CERT1: variants seen among roughly 807,000 people sequenced by gnomAD.
CERT1 encodes the protein ceramide transporter 1, also known as ceramide transfer protein.
In CERT1, 31 loss-of-function variants were observed where a neutral mutation model predicts 87.9. That is an observed-to-expected ratio of 0.35 (90% confidence interval 0.27 to 0.48). The LOEUF (loss-of-function observed/expected upper bound fraction) is 0.48. CERT1 is among the 20% of genes least tolerant of loss of function. CERT1 has a pLI of 0.99. For missense variants in CERT1, 487 were observed against 758.0 expected, an observed-to-expected ratio of 0.64 and a Z score of 4.20; for synonymous variants, 289 against 250.9, an observed-to-expected ratio of 1.15 and a Z score of -1.44.
At chr5:75,400,358 T>C in intron 9 of CERT1, 61 bp from the exon 10 acceptor site, 2 of 1,173,210 alleles carry the variant, frequency 1.7e-6, no homozygotes, top group Non-Finnish European at 2.5e-6. Context: ...AACTCAAGAA[T>C]GGATAATATA....
chr5:75,423,076 T>TCA (rs1763454507), intron 5 of CERT1, among the ~76,000 whole-genome samples: 2 of 152,168 alleles, frequency 1.3e-5, no homozygotes, highest in African/African-American at 4.8e-5. Context: ...AACTAATACA[T>TCA]CAGTCTTCAA....
At position 75,379,830 on chromosome 5, in the gene CERT1, G is replaced by A. The variant is rs141820448; in HGVS notation, c.1748-357C>T. Among the ~76,000 whole-genome samples, 388 of 152,138 alleles carry A rather than the reference G, an allele frequency of 2.6e-3. 2 individuals are homozygous for A. In the East Asian group the frequency reaches 0.027, roughly 11 times the overall value. On this transcript the variant is annotated intron_variant, in intron 16 of 16. Coordinates refer to ENST00000643780, the MANE Select transcript of CERT1 (RefSeq NM_001379029.1). ...GAACTCTTGACCTCATGATCCGCCCGCCTCAGCCTCCCAAGGTGCTGGGAT... is the reference window on the plus strand; with the variant it reads ...GAACTCTTGACCTCATGATCCGCCCACCTCAGCCTCCCAAGGTGCTGGGAT...
chr5:75,389,602 CCTT>C lies in CERT1; in HGVS notation c.1271_1273del (p.Glu424del), dbSNP rs779326636. 1.2e-6 allele frequency: 2 copies of C among 1,613,666 alleles called. No individual in the cohort carries two copies. The highest frequency in any genetic ancestry group is 2.2e-5 in the East Asian group (1 of 44,868). The stretch of plus-strand genomic sequence containing the variant: ...TTCAGGGGGAATTACCTTCATTTCT[CCTT>C]CTTCTACAACCAACTGCCAATTGGC... On this transcript the variant is annotated inframe_deletion, in exon 12 of 17. Coordinates refer to ENST00000643780, the MANE Select transcript of CERT1 (RefSeq NM_001379029.1).
At position 75,419,439 on chromosome 5, in the gene CERT1, T is replaced by G. The variant is rs1561249380; in HGVS notation, c.596-15A>C. ...ATCTTCTACCACTAAATAAAATATA[T>G]TTAAGGAAATTAGGATGAAAAGAAA... On this transcript the variant is annotated splice_polypyrimidine_tract_variant and intron_variant, in intron 5 of 16. Coordinates refer to ENST00000643780, the MANE Select transcript of CERT1 (RefSeq NM_001379029.1). 1 of 1,521,622 alleles carries G rather than the reference T, an allele frequency of 6.6e-7. No homozygotes were observed. The allele number at this position is 1,521,622 out of a possible 1,614,324, so 94.3% of individuals were successfully genotyped here.
intron 17 of CERT1, chr5:75,370,490 A>G (rs1231532650): frequency 6.6e-6 from 1 of 152,242 alleles, no homozygotes; most frequent in Non-Finnish European, 1.5e-5. Context: ...CCAAGTGAAT[A>G]TGGCTTCTCT....
chr5:75,434,618 C>CA (rs1157046912), intron 3 of CERT1, among the ~76,000 whole-genome samples: 1 of 151,026 alleles, frequency 6.6e-6, no homozygotes, highest in African/African-American at 2.4e-5. Flanking sequence ...CCATGTGGTC[C>CA]ACGGCTTTTT....
chr5:75,410,239 C>A (rs988244736), intron 8 of CERT1, among the ~76,000 whole-genome samples: 1 of 151,974 alleles, frequency 6.6e-6, no homozygotes, highest in Non-Finnish European at 1.5e-5. Flanking sequence ...AACAAATAAA[C>A]ACAAGGAGAA....
chr5:75,508,500 T>C (rs1767764118), intron 1 of CERT1, among the ~76,000 whole-genome samples: 1 of 152,148 alleles, frequency 6.6e-6, no homozygotes, highest in Admixed American at 6.5e-5. Flanking sequence ...GACCCTTTAC[T>C]CAGTAAGTAT....
intron 7 of CERT1, among the ~76,000 whole-genome samples, chr5:75,415,267 T>C (rs1342901737): frequency 1.3e-5 from 2 of 152,238 alleles, no homozygotes; most frequent in East Asian, 3.8e-4. Context: ...AAAAGGTTAA[T>C]AAAATTTGAC....
Position 75,389,679 on chromosome 5 carries a change from C to G in CERT1, c.1197G>C (p.Glu399Asp), listed in dbSNP as rs762601926. The G allele has an allele frequency of 9.3e-6, 15 of 1,613,608 alleles. No individual in the cohort carries two copies. The highest frequency in any genetic ancestry group is 1.3e-5 in the Non-Finnish European group (15 of 1,179,548). Residue 399 changes from glutamate to aspartate, a missense_variant, in exon 12 of 17, where the codon GAG (glutamate) becomes GAC (aspartate). Coordinates refer to ENST00000643780, the MANE Select transcript of CERT1 (RefSeq NM_001379029.1). The stretch of plus-strand genomic sequence containing the variant: ...AGTAAGTCATGTGGTTCTGCACCAT[C>G]TCTTCAACCTTGAGAAGGGAGGAAA... The part of the protein sequence containing the change: ...DVHRFSSQVE[E>D]MVQNHMTYSL...
chr5:75,497,666 C>T (rs965388557), intron 2 of CERT1, among the ~76,000 whole-genome samples: 2 of 151,942 alleles, frequency 1.3e-5, no homozygotes, highest in South Asian at 2.1e-4. Context: ...AGGTGACTTC[C>T]GCCATGATTT....
At chr5:75,458,940 T>C (rs2112310266) in intron 3 of CERT1, 125 bp downstream of exon 3, 1 of 636,678 alleles carries the variant, frequency 1.6e-6, no homozygotes, top group East Asian at 2.5e-5. Flanking sequence ...ACTGCTTTAA[T>C]CTTTATCATC....
chr5:75,493,552 C>T (rs1293645906), intron 2 of CERT1, among the ~76,000 whole-genome samples: 2 of 152,172 alleles, frequency 1.3e-5, no homozygotes, highest in Non-Finnish European at 2.9e-5. Context: ...ATTTTGAATC[C>T]TTAACCTTTG....
At chr5:75,499,751 A>G (rs2112454688) in intron 2 of CERT1, among the ~76,000 whole-genome samples, 1 of 152,342 alleles carries the variant, frequency 6.6e-6, no homozygotes, top group East Asian at 1.9e-4. Context: ...ACCCCTACAC[A>G]AAATAAAATG....
At chr5:75,403,730 A>T (rs1282647333) in intron 8 of CERT1, among the ~76,000 whole-genome samples, 2 of 152,240 alleles carry the variant, frequency 1.3e-5, no homozygotes, top group Non-Finnish European at 2.9e-5. Context: ...AATAATGGCC[A>T]TCAATCACTT....
At chr5:75,441,696 C>G (rs900164623) in intron 3 of CERT1, among the ~76,000 whole-genome samples, 1 of 152,188 alleles carries the variant, frequency 6.6e-6, no homozygotes, top group African/African-American at 2.4e-5. Flanking sequence ...TGACTGGCTT[C>G]ACTTAGCATA....
rs753879712 is a variant in CERT1, at chr5:75,403,876, G to A, written c.931-818C>T. On this transcript the variant is annotated intron_variant, in intron 8 of 16. Transcript: ENST00000643780. ...TCCCTCAAGTGATTCCCATGCAAGT[G>A]GAACCTCAGCTGCATCAGAAGATAA... Among the ~76,000 whole-genome samples the A allele has an allele frequency of 7.9e-5, 12 of 152,134 alleles. 1 individual carries two copies. In the South Asian group the frequency reaches 1.0e-3, roughly 13 times the overall value.
chr5:75,470,598 T>A (rs1183431275), intron 2 of CERT1, among the ~76,000 whole-genome samples: 1 of 152,068 alleles, frequency 6.6e-6, no homozygotes, highest in Non-Finnish European at 1.5e-5. Context: ...ACAAATTAGT[T>A]ATAGAAGAAA....
intron 8 of CERT1, among the ~76,000 whole-genome samples, chr5:75,409,909 T>C (rs976789478): frequency 6.6e-6 from 1 of 151,808 alleles, no homozygotes; most frequent in Admixed American, 6.6e-5. Flanking sequence ...CGTAGCTCAC[T>C]GCAGTCTTGG....
Sources: allele counts gnomAD v4.1 joint callset (sites outside exome capture counted in the v4.1 genomes callset), GRCh38; gene constraint gnomAD v4.1.1; transcripts MANE v1.5; gene names NCBI Gene and HGNC (gene_info 2026-07-23, HGNC 2026-07-21).